MARCHF8: variants seen among roughly 807,000 people sequenced by gnomAD.
MARCHF8 encodes E3 ubiquitin-protein ligase MARCHF8.
Under a neutral mutation model 51.6 loss-of-function variants are expected in MARCHF8, and 40 were observed. That is an observed-to-expected ratio of 0.77 (90% confidence interval 0.60 to 1.01). The LOEUF (loss-of-function observed/expected upper bound fraction) is 1.01, where lower values mean the gene tolerates loss of function less well. Ranked by LOEUF, MARCHF8 falls within the 50% of genes least tolerant of loss-of-function variation. MARCHF8 has a pLI of 0.00. For synonymous variants in MARCHF8, 263 were observed against 280.3 expected (o/e 0.94, Z 0.62); for missense variants, 685 against 708.6 (o/e 0.97, Z 0.38).
intron 3 of MARCHF8, among the ~76,000 whole-genome samples, chr10:45,474,953 A>G (rs1017344018): frequency 6.6e-6 from 1 of 152,208 alleles, no homozygotes. Flanking sequence ...GCATTGCTCC[A>G]GGGAGGGAGC....
chr10:45,533,053 A>G, intron 2 of MARCHF8, 57 bp downstream of exon 2: 1 of 1,407,764 alleles, frequency 7.1e-7, no homozygotes, highest in Non-Finnish European at 9.5e-7. Flanking sequence ...GTTCTAGGTC[A>G]TCTTTAATAA....
At chr10:45,538,994 A>C (rs375756946), upstream of MARCHF8, among the ~76,000 whole-genome samples, 8 of 152,220 alleles carry the variant, frequency 5.3e-5, no homozygotes, top group South Asian at 2.1e-4. Flanking sequence ...GAACTCTCCA[A>C]CCCAAATCAA....
intron 2 of MARCHF8, among the ~76,000 whole-genome samples, chr10:45,501,738 A>G (rs1195870437): frequency 6.6e-6 from 1 of 152,170 alleles, no homozygotes; most frequent in African/African-American, 2.4e-5. Flanking sequence ...TTGCAAATGA[A>G]TATCCAATTA....
intron 2 of MARCHF8, among the ~76,000 whole-genome samples, chr10:45,508,224 T>C (rs765120530): frequency 2.0e-5 from 3 of 150,054 alleles, no homozygotes; most frequent in Non-Finnish European, 4.4e-5. Context: ...CAAATTCAAA[T>C]CCTAAATGTA....
intron 2 of MARCHF8, among the ~76,000 whole-genome samples, chr10:45,525,484 TG>T (rs1384479554): frequency 1.3e-5 from 2 of 152,218 alleles, no homozygotes; most frequent in Non-Finnish European, 2.9e-5. Context: ...TCTTGCAATT[TG>T]GGTTCCAGAC....
At chr10:45,482,862 A>T (rs993073356) in intron 3 of MARCHF8, among the ~76,000 whole-genome samples, 15 of 152,232 alleles carry the variant, frequency 9.9e-5, no homozygotes, top group African/African-American at 2.9e-4. Context: ...ACTGATTTTC[A>T]ACAAAGGTAC....
At chr10:45,520,760 G>A (rs1180916125) in intron 2 of MARCHF8, among the ~76,000 whole-genome samples, 3 of 152,116 alleles carry the variant, frequency 2.0e-5, no homozygotes. Flanking sequence ...AAATCAGTCT[G>A]ACAGCAAGAA....
intron 2 of MARCHF8, among the ~76,000 whole-genome samples, chr10:45,501,291 C>T (rs901234719): frequency 3.9e-5 from 6 of 151,976 alleles, no homozygotes; most frequent in African/African-American, 1.2e-4. Context: ...AATATACAGC[C>T]AGAGTAATCA....
intron 1 of MARCHF8, among the ~76,000 whole-genome samples, chr10:45,592,444 G>A (rs11239571): frequency 0.22 from 33,241 of 152,106 alleles, 3,960 homozygotes; most frequent in Admixed American, 0.29. Flanking sequence ...GGAACAGGTA[G>A]GGTTGTAAAG....
At chr10:45,549,767 C>G (rs1357817801) in intron 1 of MARCHF8, among the ~76,000 whole-genome samples, 1 of 152,180 alleles carries the variant, frequency 6.6e-6, no homozygotes, top group Non-Finnish European at 1.5e-5. Context: ...GGGTTCCTAA[C>G]AGAAGAATAA....
At chr10:45,518,427 G>A (rs1218123061) in intron 2 of MARCHF8, among the ~76,000 whole-genome samples, 1 of 152,140 alleles carries the variant, frequency 6.6e-6, no homozygotes. Context: ...AACAGCAATG[G>A]TATGTCCTTG....
At chr10:45,575,454 C>A (rs1466397787) in intron 1 of MARCHF8, among the ~76,000 whole-genome samples, 1 of 152,180 alleles carries the variant, frequency 6.6e-6, no homozygotes, top group East Asian at 1.9e-4. Flanking sequence ...TCATACAAAA[C>A]CATATCCAGG....
intron 1 of MARCHF8, among the ~76,000 whole-genome samples, chr10:45,555,553 C>A (rs1279962019): frequency 6.6e-6 from 1 of 152,022 alleles, no homozygotes; most frequent in Non-Finnish European, 1.5e-5. Context: ...GCCTGGGCAA[C>A]ACAGTGAGAT....
chr10:45,512,027 C>G (rs1490976346), intron 2 of MARCHF8, among the ~76,000 whole-genome samples: 3 of 151,224 alleles, frequency 2.0e-5, no homozygotes, highest in Non-Finnish European at 3.0e-5. Flanking sequence ...GGCCGTCATC[C>G]CATCTAGGAA....
At chr10:45,576,020 G>A (rs573384821) in intron 1 of MARCHF8, among the ~76,000 whole-genome samples, 3 of 152,182 alleles carry the variant, frequency 2.0e-5, no homozygotes, top group African/African-American at 4.8e-5. Flanking sequence ...CTGCACCCAG[G>A]TGATTAAAAA....
chr10:45,529,201 A>G (rs1470870554), intron 2 of MARCHF8, among the ~76,000 whole-genome samples: 1 of 152,230 alleles, frequency 6.6e-6, no homozygotes, highest in East Asian at 1.9e-4. Flanking sequence ...AAAAACATAC[A>G]CTAGTGGAAG....
intron 3 of MARCHF8, among the ~76,000 whole-genome samples, chr10:45,482,822 C>T (rs2042911765): frequency 6.6e-6 from 1 of 152,110 alleles, no homozygotes; most frequent in African/African-American, 2.4e-5. Context: ...AAATCAACAA[C>T]ACAGAAATAA....
rs756702968 is a variant in MARCHF8, at chr10:45,459,106, G to A, written c.1417+14C>T. 1.2e-6 allele frequency: 2 copies of A among 1,613,692 alleles called. No homozygotes were observed. The highest frequency in any genetic ancestry group is 1.7e-6 in the Non-Finnish European group (2 of 1,179,932). On this transcript the variant is annotated intron_variant, in intron 7 of 7. Coordinates refer to ENST00000453424, the MANE Select transcript of MARCHF8 (RefSeq NM_001282866.2). ...CGGCCCCCATGCTGAGCTTGCTCCA[G>A]CCTGAGAACTCACCTGTTGCCTGCC...
chr10:45,482,865 A>G lies in MARCHF8; in HGVS notation c.153+6502T>C, dbSNP rs1284879811. Among the ~76,000 whole-genome samples the G allele has an allele frequency of 5.3e-5, 8 of 152,364 alleles. No homozygotes were observed. The East Asian group carries it at 1.5e-3, about 29-fold the overall frequency. ...TACTTACTGCGAACTGATTTTCAAC[A>G]AAGGTACCAAAAACATGCGTTAGGG... On this transcript the variant is annotated intron_variant, in intron 3 of 7. Transcript: ENST00000453424.
Sources: gnomAD v4.1 joint callset for allele counts (sites outside exome capture counted in the v4.1 genomes callset) on GRCh38, gnomAD v4.1.1 for gene constraint, MANE v1.5 for transcripts, NCBI Gene and HGNC (gene_info 2026-07-23, HGNC 2026-07-21) for gene names.